Variants in HEXA observed in about 807,000 individuals in gnomAD.
The protein encoded by HEXA is hexosaminidase subunit alpha, also known as beta-hexosaminidase subunit alpha.
A neutral mutation model predicts 73.3 loss-of-function variants in HEXA; 54 were observed. The observed-to-expected ratio is 0.74, with a 90% CI of 0.59 to 0.92. The LOEUF (loss-of-function observed/expected upper bound fraction) is 0.92, where lower values mean the gene tolerates loss of function less well. Among genes scored for constraint, HEXA ranks in the 40% least tolerant of loss-of-function variants. The pLI is 0.00. For missense variants in HEXA, 649 were observed against 653.0 expected, an observed-to-expected ratio of 0.99 and a Z score of 0.07; for synonymous variants, 230 against 246.9, an observed-to-expected ratio of 0.93 and a Z score of 0.64.
chr15:72,362,969 C>T lies in HEXA; in HGVS notation c.254-6352G>A, dbSNP rs557300370. ...GGATTGAAAACTAAGAAAGGCAACC[C>T]AGACTTTGCCACCTTCCCACTCTTT... On this transcript the variant is annotated intron_variant, in intron 1 of 13. Coordinates refer to ENST00000268097, the MANE Select transcript of HEXA (RefSeq NM_000520.6). 2.0e-5 allele frequency among the ~76,000 whole-genome samples: 3 copies of T among 152,252 alleles called. No individual in the cohort carries two copies. The East Asian group carries it at 5.8e-4, about 29-fold the overall frequency.
At chr15:72,349,971 C>T (rs1440900328) in intron 7 of HEXA, among the ~76,000 whole-genome samples, 2 of 152,122 alleles carry the variant, frequency 1.3e-5, no homozygotes, top group Admixed American at 6.5e-5. Context: ...ACCATGTTGG[C>T]CAGGCTGGTC....
chr15:72,355,306 A>G, intron 3 of HEXA: 2 of 492,552 alleles, frequency 4.1e-6, no homozygotes, highest in Non-Finnish European at 7.5e-6. Context: ...TGGGTGGATC[A>G]CTTGAACTCA....
chr15:72,347,996 A>AC, intron 9 of HEXA, 52 bp downstream of exon 9: 1 of 1,259,292 alleles, frequency 7.9e-7, no homozygotes, highest in Non-Finnish European at 1.2e-6. Context: ...GAAAGGGAGG[A>AC]CCCCACAGGA....
intron 6 of HEXA, 115 bp downstream of exon 6, chr15:72,351,018 C>T: frequency 1.3e-6 from 1 of 752,336 alleles, no homozygotes; most frequent in Admixed American, 2.0e-5. Context: ...TGTCCTTCCC[C>T]TATATTGGTC....
chr15:72,375,997 G>A lies in HEXA; in HGVS notation c.-25C>T, dbSNP rs1028055976. ...TGGCCCGCTGGTCTCCCCTCTCGGA[G>A]GGGGCTGGCCACGTGAGACCCTGGT... On this transcript the variant is annotated 5_prime_UTR_variant, in exon 1 of 14. Transcript: ENST00000268097. 1 of 1,610,084 alleles carries A rather than the reference G, an allele frequency of 6.2e-7. No individual in the cohort carries two copies. Among genetic ancestry groups the A allele is most frequent in the African/African-American group, 1.3e-5 (1 of 74,926 alleles).
rs746573936 is a variant in HEXA, at chr15:72,347,775, T to C, written c.1074-17A>G. 1 of 1,611,628 alleles carries C rather than the reference T, an allele frequency of 6.2e-7. No homozygotes were observed. Among genetic ancestry groups the C allele is most frequent in the African/African-American group, 1.3e-5 (1 of 74,890 alleles). On this transcript the variant is annotated splice_polypyrimidine_tract_variant and intron_variant, in intron 9 of 13. Coordinates refer to ENST00000268097, the MANE Select transcript of HEXA (RefSeq NM_000520.6). The stretch of plus-strand genomic sequence containing the variant: ...TCCAGCAGCCTGGAGAGGAGAGGAG[T>C]GTCTAGTAAGTGTCTGCTTAGCTCA...
intron 1 of HEXA, among the ~76,000 whole-genome samples, chr15:72,361,898 C>A (rs925201617): frequency 1.3e-5 from 2 of 152,228 alleles, no homozygotes; most frequent in Admixed American, 6.5e-5. Flanking sequence ...TATAAAAAAT[C>A]TCCCAGGCAG....
At chr15:72,362,452 T>C (rs2088863487) in intron 1 of HEXA, 1 of 455,882 alleles carries the variant, frequency 2.2e-6, no homozygotes, top group Non-Finnish European at 4.4e-6. Flanking sequence ...ACAGCAGTCA[T>C]TCAGTACATG....
At chr15:72,351,288 T>C (rs189451248) in intron 5 of HEXA, 54 bp from the exon 6 acceptor site, 2 of 1,249,364 alleles carry the variant, frequency 1.6e-6, no homozygotes, top group African/African-American at 2.9e-5. Context: ...GGTTTCAGCC[T>C]CAAACTTGCG....
chr15:72,356,134 G>A (rs1225428787), intron 2 of HEXA, among the ~76,000 whole-genome samples: 1 of 152,168 alleles, frequency 6.6e-6, no homozygotes, highest in Non-Finnish European at 1.5e-5. Context: ...ATGCTGCTCA[G>A]GGAAGACAGG....
chr15:72,374,747 G>A (rs1317395776), intron 1 of HEXA, among the ~76,000 whole-genome samples: 1 of 152,162 alleles, frequency 6.6e-6, no homozygotes, highest in African/African-American at 2.4e-5. Context: ...TTTCAGTACT[G>A]ATTACATAGC....
chr15:72,353,687 T>C lies in HEXA; in HGVS notation c.459+4A>G. 1.2e-6 allele frequency: 2 copies of C among 1,609,458 alleles called. No individual in the cohort carries two copies. Among genetic ancestry groups the C allele is most frequent in the Non-Finnish European group, 1.7e-6 (2 of 1,175,774 alleles). On this transcript the variant is annotated splice_donor_region_variant and intron_variant, in intron 4 of 13. Transcript: ENST00000268097. Reference sequence around the variant, plus strand: ...AGGAGCCCTTTTTGAGGGTCCACACTTACTGTGCCCTCAGCAGATTTCCAA... The same window carrying C: ...AGGAGCCCTTTTTGAGGGTCCACACCTACTGTGCCCTCAGCAGATTTCCAA...
chr15:72,361,709 T>C (rs1017646170), intron 1 of HEXA, among the ~76,000 whole-genome samples: 3 of 152,212 alleles, frequency 2.0e-5, no homozygotes, highest in African/African-American at 7.2e-5. Flanking sequence ...CAAAATAACA[T>C]TTACAGACTG....
At position 72,351,272 on chromosome 15, in the gene HEXA, C is replaced by T. The variant is rs1277886019; in HGVS notation, c.571-38G>A. ...GTGCACACTGTGAACCCATCACAGT[C>T]TCTCCGGTTTCAGCCTCAAACTTGC... is the stretch of plus-strand genomic sequence containing the variant. On this transcript the variant is annotated intron_variant, in intron 5 of 13. Coordinates refer to ENST00000268097, the MANE Select transcript of HEXA (RefSeq NM_000520.6). 3 of 1,353,540 alleles carry T rather than the reference C, an allele frequency of 2.2e-6. No individual in the cohort carries two copies. The African/African-American group carries it at 4.3e-5, about 19-fold the overall frequency. 83.8% of individuals were successfully genotyped at this position (1,353,540 alleles called of 1,614,324 possible). A position where few individuals can be genotyped will look rare whatever the true frequency, so the allele number is the denominator to read the frequency against.
In HEXA at chr15:72,346,180, G is replaced by C. The variant is rs1213250957; in HGVS notation, c.1421+55C>G. On this transcript the variant is annotated intron_variant, in intron 12 of 13. Transcript: ENST00000268097. ...TGGCTAGATGGGATTGGGTCTCTAA[G>C]GGAGAACTCCTGCTCTCAGGCCCAA... 7.4e-5 allele frequency: 99 copies of C among 1,334,000 alleles called. 2 individuals carry two copies. In the East Asian group the frequency reaches 1.2e-3, roughly 16 times the overall value. The allele number at this position is 1,334,000 out of a possible 1,614,324, so 82.6% of individuals were successfully genotyped here.
At chr15:72,352,536 C>G (rs1595801328) in intron 5 of HEXA, among the ~76,000 whole-genome samples, 1 of 151,976 alleles carries the variant, frequency 6.6e-6, no homozygotes, top group Non-Finnish European at 1.5e-5. Flanking sequence ...ACATTTGTAT[C>G]CCTGGAAACA....
chr15:72,367,429 C>CT, intron 1 of HEXA, among the ~76,000 whole-genome samples: 2 of 152,324 alleles, frequency 1.3e-5, no homozygotes, highest in Middle Eastern at 3.4e-3. Flanking sequence ...TCTCTTCAGT[C>CT]TTTCTAGTTT....
rs1372094460 is a variant in HEXA at position 72,375,967 on chromosome 15, T to C, written c.6A>G (p.Thr2=). 7 of 1,613,328 alleles carry C rather than the reference T, an allele frequency of 4.3e-6. No individual in the cohort carries two copies. Among genetic ancestry groups the C allele is most frequent in the African/African-American group, 2.7e-5 (2 of 74,826 alleles). M[T]SSRLWFSLLL... The stretch of plus-strand genomic sequence containing the variant: ...GCAGCGAAAACCAAAGCCTGGAGCT[T>C]GTCATGGCCCGCTGGTCTCCCCTCT... Residue 2 remains threonine (T), a synonymous_variant, in exon 1 of 14, where the codon ACA becomes ACG. Transcript: ENST00000268097.
chr15:72,364,904 C>T (rs1416239620), intron 1 of HEXA, among the ~76,000 whole-genome samples: 1 of 151,154 alleles, frequency 6.6e-6, no homozygotes, highest in Admixed American at 6.6e-5. Flanking sequence ...TCACTGCAGC[C>T]TCAACCTCCT....
Sources: gnomAD v4.1 joint callset for allele counts (sites outside exome capture counted in the v4.1 genomes callset) on GRCh38, gnomAD v4.1.1 for gene constraint, MANE v1.5 for transcripts, NCBI Gene and HGNC (gene_info 2026-07-23, HGNC 2026-07-21) for gene names.